Variants in SSUH2 observed in about 807,000 individuals in gnomAD.
The protein encoded by SSUH2 is protein SSUH2 homolog.
In SSUH2, 47 loss-of-function variants were observed where a neutral mutation model predicts 55.3. The observed-to-expected ratio is 0.85, with a 90% CI of 0.67 to 1.08. The LOEUF is 1.08. Ranked by LOEUF, SSUH2 falls within the 50% of genes least tolerant of loss-of-function variation. SSUH2 has a pLI of 0.00. For missense variants in SSUH2, 535 were observed against 490.7 expected (o/e 1.09, Z -0.85); for synonymous variants, 212 against 191.5 (o/e 1.11, Z -0.89).
chr3:8,630,701 T>C (rs1280029290), intron 6 of SSUH2, 104 bp downstream of exon 6: 2 of 1,152,870 alleles, frequency 1.7e-6, no homozygotes, highest in Non-Finnish European at 2.3e-6. Flanking sequence ...CCGGCCTGAA[T>C]TTTGGGTTTC....
At chr3:8,661,157 AATTGT>A (rs1703448714) in intron 6 of SSUH2, among the ~76,000 whole-genome samples, 1 of 152,160 alleles carries the variant, frequency 6.6e-6, no homozygotes, top group African/African-American at 2.4e-5. Context: ...AATATTTTAC[AATTGT>A]AAGTAACCAG....
chr3:8,647,283 G>A (rs1701801357), upstream of SSUH2, among the ~76,000 whole-genome samples: 1 of 152,266 alleles, frequency 6.6e-6, no homozygotes, highest in African/African-American at 2.4e-5. Flanking sequence ...GCGCAGGCAT[G>A]CGGAGAGCTG....
rs1234021301 is a variant in SSUH2 at position 8,644,769 on chromosome 3, T to G, written c.-11A>C. On this transcript the variant is annotated 5_prime_UTR_variant, in exon 1 of 12. Transcript: ENST00000544814. ...CAGATCCCTGTCCATGTTCCAGACG[T>G]CCTGCCAAAGAGATGTCTGCCCTTC... The G allele has an allele frequency of 6.5e-7, 1 of 1,536,104 alleles. No individual in the cohort carries two copies. The highest frequency in any genetic ancestry group is 1.4e-5 in the African/African-American group (1 of 73,160).
rs542950791 is a variant in SSUH2, at chr3:8,656,897, G to T, written c.-307+2028C>A. ...TTTGTTTGTTTGTTTGTTTGTTTGA[G>T]ACAGAGTCTCACTTACTCTGTCACC... On this transcript the variant is annotated intron_variant, in intron 7 of 18. Transcript: ENST00000317371. Among the ~76,000 whole-genome samples the T allele has an allele frequency of 2.2e-5, 3 of 138,728 alleles. No homozygotes were observed. The East Asian group carries it at 6.8e-4, about 32-fold the overall frequency. 91.0% of individuals were successfully genotyped at this position (138,728 alleles called of 152,430 possible). A position where few individuals can be genotyped will look rare whatever the true frequency, so the allele number is the denominator to read the frequency against.
Position 8,624,146 on chromosome 3 carries a change from C to T in SSUH2, c.874-490G>A, listed in dbSNP as rs1268580498. 2.0e-5 allele frequency among the ~76,000 whole-genome samples: 3 copies of T among 146,388 alleles called. No homozygotes were observed. In the East Asian group the frequency reaches 5.8e-4, roughly 28 times the overall value. On this transcript the variant is annotated intron_variant, in intron 10 of 11. Transcript: ENST00000544814. ...TGGGGCATCTCCTCGGTCCCCAAAG[C>T]CCCCAGATCCCCTTCTGCCAGGCTT... is the stretch of plus-strand genomic sequence containing the variant.
rs73125148 is a variant in SSUH2 at position 8,634,227 on chromosome 3, A to T, written c.210-432T>A. On this transcript the variant is annotated intron_variant, in intron 3 of 11. Coordinates refer to ENST00000544814, the MANE Select transcript of SSUH2 (RefSeq NM_001256748.3). ...AGCCAGAGGAGCTGCTAGCAACATG[A>T]TGGGAAGACCCCAGCCAGGCACTGG... is the stretch of plus-strand genomic sequence containing the variant. 6.1e-3 allele frequency: 3,479 copies of T among 573,662 alleles called. 95 individuals carry two copies. Among genetic ancestry groups the T allele is most frequent in the African/African-American group, 0.059 (3,092 of 52,238 alleles). The allele number at this position is 573,662 out of a possible 1,614,324, so 35.5% of individuals were successfully genotyped here. A position where few individuals can be genotyped will look rare whatever the true frequency, so the allele number is the denominator to read the frequency against.
intron 6 of SSUH2, among the ~76,000 whole-genome samples, chr3:8,660,169 C>T (rs1212229424): frequency 1.3e-5 from 2 of 152,146 alleles, no homozygotes; most frequent in Non-Finnish European, 2.9e-5. Context: ...GTGTGGTTAC[C>T]TGGCTAGTTG....
chr3:8,658,640 T>A (rs968271877), intron 7 of SSUH2, among the ~76,000 whole-genome samples: 5 of 152,208 alleles, frequency 3.3e-5, no homozygotes, highest in African/African-American at 1.2e-4. Context: ...CCAGACTATT[T>A]CTGGCTGCAA....
In SSUH2 at chr3:8,677,695, G is replaced by C. The variant is rs187578174; in HGVS notation, c.-900-342C>G. Among the ~76,000 whole-genome samples, 1,383 of 150,886 alleles carry C rather than the reference G, an allele frequency of 9.2e-3. 37 individuals are homozygous for C. Among genetic ancestry groups the C allele is most frequent in the Non-Finnish European group, 0.014 (980 of 67,816 alleles). On this transcript the variant is annotated intron_variant, in intron 2 of 18. Transcript: ENST00000317371. The stretch of plus-strand genomic sequence containing the variant: ...AAACAACTAGACAGGGTTTCTAAAG[G>C]ATTGCCCCCCTGTTTTAGGGCCTTG...
intron 6 of SSUH2, among the ~76,000 whole-genome samples, chr3:8,663,540 G>T (rs125698): frequency 0.26 from 38,912 of 150,956 alleles, 5,412 homozygotes; most frequent in Non-Finnish European, 0.31. Context: ...GGCAGTCGGG[G>T]TCAGGTGGGG....
intron 6 of SSUH2, among the ~76,000 whole-genome samples, chr3:8,629,998 C>A (rs763186301): frequency 6.6e-6 from 1 of 152,176 alleles, no homozygotes; most frequent in African/African-American, 2.4e-5. Context: ...TCACACTCTA[C>A]GGTTTCCTAC....
intron 2 of SSUH2, among the ~76,000 whole-genome samples, chr3:8,678,933 C>A (rs528483330): frequency 1.4e-4 from 16 of 111,030 alleles, no homozygotes; most frequent in East Asian, 4.7e-4. Context: ...GAGAGCCAGC[C>A]ACTCTTCCCC....
chr3:8,641,394 C>G (rs969066834), intron 1 of SSUH2, among the ~76,000 whole-genome samples: 2 of 152,182 alleles, frequency 1.3e-5, no homozygotes, highest in Non-Finnish European at 2.9e-5. Flanking sequence ...TTTTTTAGGG[C>G]CTTGATTTCC....
At chr3:8,669,145 C>T (rs145423005) in intron 5 of SSUH2, among the ~76,000 whole-genome samples, 1 of 152,094 alleles carries the variant, frequency 6.6e-6, no homozygotes, top group South Asian at 2.1e-4. Flanking sequence ...AAGCGGTGGA[C>T]AACAATTTTA....
chr3:8,665,529 CAA>C (rs1389612751), intron 5 of SSUH2, among the ~76,000 whole-genome samples: 1 of 152,166 alleles, frequency 6.6e-6, no homozygotes, highest in Non-Finnish European at 1.5e-5. Context: ...GACTCAGACT[CAA>C]GTCTTAGTTA....
At chr3:8,652,461 T>C (rs1001984880) in intron 7 of SSUH2, among the ~76,000 whole-genome samples, 8 of 152,218 alleles carry the variant, frequency 5.3e-5, no homozygotes, top group African/African-American at 1.4e-4. Context: ...CTACCCAGAC[T>C]GTCTTCTATT....
At chr3:8,624,972 C>T (rs564912971) in intron 10 of SSUH2, among the ~76,000 whole-genome samples, 1 of 152,154 alleles carries the variant, frequency 6.6e-6, no homozygotes. Context: ...GTCACTTCCA[C>T]AAAGAGGCTT....
exon 2 of SSUH2, chr3:8,679,718 G>A (rs1214148133): frequency 1.6e-5 from 3 of 188,072 alleles, no homozygotes; most frequent in African/African-American, 7.2e-5. Flanking sequence ...GAGGACTGTG[G>A]GTATTAGGTG....
chr3:8,623,030 T>TGCA (rs771640000), intron 11 of SSUH2, among the ~76,000 whole-genome samples: 2 of 152,292 alleles, frequency 1.3e-5, no homozygotes, highest in East Asian at 3.9e-4. Context: ...CCTGGCTGGC[T>TGCA]GCAGCAGCAG....
Sources: allele counts gnomAD v4.1 joint callset (sites outside exome capture counted in the v4.1 genomes callset), GRCh38; gene constraint gnomAD v4.1.1; transcripts MANE v1.5; gene names NCBI Gene and HGNC (gene_info 2026-07-23, HGNC 2026-07-21).